Variants in AXDND1 observed in about 807,000 individuals in gnomAD.
AXDND1 encodes the protein axonemal dynein light chain domain containing 1.
Under a neutral mutation model 137.5 loss-of-function variants are expected in AXDND1, and 110 were observed. The observed-to-expected ratio is 0.80, with a 90% CI of 0.69 to 0.94. The LOEUF (loss-of-function observed/expected upper bound fraction) is 0.94. Ranked by LOEUF, AXDND1 falls within the 40% of genes least tolerant of loss-of-function variation. The probability of loss-of-function intolerance (pLI) is 0.00; values close to 1 mark genes in which losing one functional copy is unlikely to be tolerated. For synonymous variants in AXDND1, 414 were observed against 399.7 expected (o/e 1.04, Z -0.43); for missense variants, 1,191 against 1,169.8 (o/e 1.02, Z -0.26).
At chr1:179,370,726 A>T (rs925268236) in intron 4 of AXDND1, among the ~76,000 whole-genome samples, 2 of 152,198 alleles carry the variant, frequency 1.3e-5, no homozygotes, top group African/African-American at 4.8e-5. Context: ...CCTCACTTAA[A>T]TGTCCCTTCT....
At chr1:179,522,551 A>G (rs1670161176) in intron 21 of AXDND1, among the ~76,000 whole-genome samples, 1 of 152,090 alleles carries the variant, frequency 6.6e-6, no homozygotes, top group Non-Finnish European at 1.5e-5. Flanking sequence ...CATTGAAATA[A>G]TGGAATTCTA....
intron 16 of AXDND1, among the ~76,000 whole-genome samples, chr1:179,459,975 T>TTTTC (rs202074491): frequency 2.3e-5 from 3 of 128,522 alleles, no homozygotes; most frequent in Non-Finnish European, 5.0e-5. Flanking sequence ...CTTTCTTTCT[T>TTTTC]TTTCTTTCTT....
At chr1:179,396,419 G>T (rs1362803946) in intron 11 of AXDND1, among the ~76,000 whole-genome samples, 2 of 152,118 alleles carry the variant, frequency 1.3e-5, no homozygotes, top group South Asian at 2.1e-4. Context: ...GGAGGCCGAG[G>T]TGGGTGGATG....
intron 14 of AXDND1, among the ~76,000 whole-genome samples, chr1:179,431,509 T>C (rs2125313633): frequency 6.6e-6 from 1 of 152,134 alleles, no homozygotes; most frequent in South Asian, 2.1e-4. Context: ...TTGTTGTTTT[T>C]TAACTTTAAG....
chr1:179,436,345 A>G (rs560817119), intron 15 of AXDND1, among the ~76,000 whole-genome samples: 15 of 152,318 alleles, frequency 9.8e-5, no homozygotes, highest in Admixed American at 8.5e-4. Flanking sequence ...TACTGGGTAT[A>G]TACCCAAAGG....
chr1:179,474,409 T>C (rs1357489850), intron 17 of AXDND1, among the ~76,000 whole-genome samples: 3 of 152,100 alleles, frequency 2.0e-5, no homozygotes, highest in African/African-American at 7.2e-5. Flanking sequence ...GACAGAAAGA[T>C]GTGGGAAAGT....
At chr1:179,498,747 C>A (rs768406888) in intron 20 of AXDND1, among the ~76,000 whole-genome samples, 5 of 151,972 alleles carry the variant, frequency 3.3e-5, no homozygotes, top group Admixed American at 6.6e-5. Context: ...AACCAAATAA[C>A]CCACTTAAAA....
At position 179,368,946 on chromosome 1, in the gene AXDND1, C is replaced by T. The variant is rs201929957; in HGVS notation, c.244C>T (p.Pro82Ser). 1.2e-5 allele frequency: 19 copies of T among 1,612,880 alleles called. No homozygotes were observed. Among genetic ancestry groups the T allele is most frequent in the Middle Eastern group, 1.7e-4 (1 of 6,052 alleles). The change falls in exon 3 of 26, where the codon CCT becomes TCT. Residue 82 changes from proline to serine, a missense_variant. By Grantham distance (74) the Pro-to-Ser change is moderately conservative (BLOSUM62 -1). Coordinates refer to ENST00000367618, the MANE Select transcript of AXDND1 (RefSeq NM_144696.6). ...TGGTCCTTGTCCTGAAAACTTACTA[C>T]CTCCTAAGAAAATTAAAACCCCAAA... ...NAGPCPENLL[P>S]PKKIKTPKGT... is the part of the protein sequence containing the mutation.
At chr1:179,440,598 A>G (rs1488483011) in intron 15 of AXDND1, among the ~76,000 whole-genome samples, 2 of 152,240 alleles carry the variant, frequency 1.3e-5, no homozygotes, top group African/African-American at 2.4e-5. Context: ...TAAGGGCAGA[A>G]GTATTTTGGT....
intron 17 of AXDND1, among the ~76,000 whole-genome samples, chr1:179,472,513 G>A (rs1168383680): frequency 6.6e-6 from 1 of 152,114 alleles, no homozygotes; most frequent in Non-Finnish European, 1.5e-5. Context: ...TGGTCTAGTT[G>A]GTTTGTAGTA....
At chr1:179,377,495 G>A (rs1647466195) in intron 4 of AXDND1, among the ~76,000 whole-genome samples, 1 of 152,148 alleles carries the variant, frequency 6.6e-6, no homozygotes, top group Non-Finnish European at 1.5e-5. Flanking sequence ...TCTTAAAAGA[G>A]TCAATGACTC....
Position 179,366,601 on chromosome 1 carries a change from C to A in AXDND1, c.92C>A (p.Thr31Lys). The A allele has an allele frequency of 6.2e-7, 1 of 1,607,866 alleles. No individual in the cohort carries two copies. Among genetic ancestry groups the A allele is most frequent in the South Asian group, 1.1e-5 (1 of 90,972 alleles). ...AAAGTGTCTGTAGCCAAGGAAGGGA[C>A]AAGAGGTAAACTTCGTTGATTCTGA... is the stretch of plus-strand genomic sequence containing the variant. ...KLKVSVAKEG[T>K]RGLPELKEKK... The change falls in exon 2 of 26, where the codon ACA becomes AAA. Residue 31 changes from threonine to lysine, a missense_variant. Coordinates refer to ENST00000367618, the MANE Select transcript of AXDND1 (RefSeq NM_144696.6).
In AXDND1 at chr1:179,554,689, T is replaced by G; in HGVS notation, c.*170T>G. 1.1e-6 allele frequency: 1 copy of G among 946,324 alleles called. No homozygotes were observed. The allele number at this position is 946,324 out of a possible 1,614,324, so 58.6% of individuals were successfully genotyped here. Reference sequence around the variant, plus strand: ...TAACTTCACAGTGCCTTGCAAAGAGTTGTTTAACTTGCATGGTGCCACCCA... The same window carrying G: ...TAACTTCACAGTGCCTTGCAAAGAGGTGTTTAACTTGCATGGTGCCACCCA... On this transcript the variant is annotated 3_prime_UTR_variant, in exon 26 of 26. Transcript: ENST00000367618.
rs546648684 is a variant in AXDND1, at chr1:179,400,411, G to A, written c.1109+5209G>A. 2.6e-5 allele frequency among the ~76,000 whole-genome samples: 4 copies of A among 151,888 alleles called. No individual in the cohort carries two copies. In the South Asian group the frequency reaches 6.2e-4, roughly 24 times the overall value. ...AAGGCATAAGAATAATACACTTTGG[G>A]GACTTGGGGGAAAGAGTGGGAGGGG... On this transcript the variant is annotated intron_variant, in intron 11 of 25. Transcript: ENST00000367618.
At chr1:179,436,736 A>T (rs892840413) in intron 15 of AXDND1, among the ~76,000 whole-genome samples, 11 of 152,062 alleles carry the variant, frequency 7.2e-5, no homozygotes, top group Non-Finnish European at 1.6e-4. Flanking sequence ...ACAAATAGCT[A>T]ATGCATGCTT....
chr1:179,466,059 C>T (rs2125466491), intron 16 of AXDND1, among the ~76,000 whole-genome samples: 1 of 152,294 alleles, frequency 6.6e-6, no homozygotes, highest in South Asian at 2.1e-4. Flanking sequence ...TCCCTGACCC[C>T]TTGCACTTCC....
chr1:179,408,139 G>A (rs1653264674), intron 11 of AXDND1, among the ~76,000 whole-genome samples: 1 of 151,790 alleles, frequency 6.6e-6, no homozygotes, highest in Non-Finnish European at 1.5e-5. Context: ...ACCTGTCTCT[G>A]TTGAGTTTCT....
intron 15 of AXDND1, among the ~76,000 whole-genome samples, chr1:179,433,509 A>G (rs1657689790): frequency 6.6e-6 from 1 of 152,200 alleles, no homozygotes; most frequent in Non-Finnish European, 1.5e-5. Context: ...TTAGTGCTAT[A>G]AATTTCCATC....
At chr1:179,473,830 C>T (rs1664267652) in intron 17 of AXDND1, among the ~76,000 whole-genome samples, 1 of 152,200 alleles carries the variant, frequency 6.6e-6, no homozygotes, top group Non-Finnish European at 1.5e-5. Context: ...GAACTTGCTT[C>T]TTTCTCCCCT....
Sources: gnomAD v4.1 joint callset for allele counts (sites outside exome capture counted in the v4.1 genomes callset) on GRCh38, gnomAD v4.1.1 for gene constraint, MANE v1.5 for transcripts, NCBI Gene and HGNC (gene_info 2026-07-23, HGNC 2026-07-21) for gene names.